ROBO1: variants seen among roughly 807,000 people sequenced by gnomAD.
ROBO1 encodes the protein roundabout homolog 1.
In ROBO1, 149 loss-of-function variants were observed where a neutral mutation model predicts 195.9. That is an observed-to-expected ratio of 0.76 (90% CI 0.67 to 0.87). The LOEUF (loss-of-function observed/expected upper bound fraction) is 0.87, where lower values mean the gene tolerates loss of function less well. Ranked by LOEUF, ROBO1 falls within the 40% of genes least tolerant of loss-of-function variation. The pLI, the probability that ROBO1 is intolerant of heterozygous loss-of-function variation, is 0.00. For synonymous variants in ROBO1, 816 were observed against 733.2 expected (o/e 1.11, Z -1.82); for missense variants, 1,933 against 2,068.3 (o/e 0.93, Z 1.27).
chr3:79,398,802 TA>T (rs951834330), intron 2 of ROBO1, among the ~76,000 whole-genome samples: 3 of 152,120 alleles, frequency 2.0e-5, no homozygotes, highest in Non-Finnish European at 2.9e-5. Context: ...TCAACTTTTT[TA>T]AAAAAGGTTA....
intron 2 of ROBO1, among the ~76,000 whole-genome samples, chr3:79,145,935 A>T (rs568732121): frequency 6.6e-6 from 1 of 152,084 alleles, no homozygotes; most frequent in South Asian, 2.1e-4. Flanking sequence ...ATGTGATTAG[A>T]GATTACTTAA....
intron 2 of ROBO1, among the ~76,000 whole-genome samples, chr3:79,457,780 C>T (rs1253413277): frequency 2.6e-5 from 4 of 152,100 alleles, no homozygotes; most frequent in African/African-American, 4.8e-5. Context: ...GATTGTGAGG[C>T]CTCCCCAGCC....
In ROBO1 at chr3:79,499,089, G is replaced by C. The variant is rs577412011; in HGVS notation, c.88+90735C>G. Among the ~76,000 whole-genome samples, 23 of 152,148 alleles carry C rather than the reference G, an allele frequency of 1.5e-4. No individual in the cohort carries two copies. The East Asian group carries it at 4.5e-3, about 30-fold the overall frequency. The stretch of plus-strand genomic sequence containing the variant: ...AGCTCACTGCAACCTCTGCCTCTCC[G>C]GTTCAAGGGATTCTCTTGCCTCAGC... On this transcript the variant is annotated intron_variant, in intron 2 of 30. Coordinates refer to ENST00000464233, the MANE Select transcript of ROBO1 (RefSeq NM_002941.4).
intron 4 of ROBO1, among the ~76,000 whole-genome samples, chr3:78,880,047 C>A (rs996475759): frequency 6.6e-6 from 1 of 151,942 alleles, no homozygotes; most frequent in Non-Finnish European, 1.5e-5. Context: ...ACCTGTAATA[C>A]CTATTAAAGC....
At chr3:79,568,353 C>G (rs1228849524) in intron 2 of ROBO1, among the ~76,000 whole-genome samples, 1 of 151,916 alleles carries the variant, frequency 6.6e-6, no homozygotes, top group Non-Finnish European at 1.5e-5. Context: ...ACCATATTGT[C>G]TGTCTCTCCA....
chr3:79,555,162 G>A (rs886301189), intron 2 of ROBO1, among the ~76,000 whole-genome samples: 1 of 152,030 alleles, frequency 6.6e-6, no homozygotes, highest in African/African-American at 2.4e-5. Context: ...TTAATATATT[G>A]TTATTTGCAG....
At chr3:79,728,082 G>A (rs751447311) in intron 1 of ROBO1, among the ~76,000 whole-genome samples, 19 of 151,848 alleles carry the variant, frequency 1.3e-4, no homozygotes, top group Admixed American at 3.3e-4. Flanking sequence ...ACACGACTGC[G>A]TGTGTGTATT....
intron 2 of ROBO1, among the ~76,000 whole-genome samples, chr3:79,317,003 T>A (rs575939695): frequency 6.6e-6 from 1 of 152,122 alleles, no homozygotes; most frequent in African/African-American, 2.4e-5. Flanking sequence ...GAACATACAC[T>A]TTTTTTCACA....
intron 4 of ROBO1, among the ~76,000 whole-genome samples, chr3:78,882,962 G>A (rs554328724): frequency 1.3e-3 from 194 of 151,830 alleles, no homozygotes; most frequent in African/African-American, 4.5e-3. Context: ...ACAGGCATAC[G>A]CCACCACACC....
chr3:79,352,066 C>G (rs2035364230), intron 2 of ROBO1, among the ~76,000 whole-genome samples: 1 of 152,166 alleles, frequency 6.6e-6, no homozygotes, highest in Non-Finnish European at 1.5e-5. Context: ...ACAGAACATC[C>G]TGATGCTAGA....
At chr3:79,106,511 C>G (rs1158194519) in intron 3 of ROBO1, among the ~76,000 whole-genome samples, 1 of 151,494 alleles carries the variant, frequency 6.6e-6, no homozygotes, top group African/African-American at 2.4e-5. Flanking sequence ...TTTCTATTAG[C>G]ACTTTCCTCA....
intron 4 of ROBO1, among the ~76,000 whole-genome samples, chr3:78,905,341 C>A (rs112214245): frequency 0.011 from 1,632 of 152,174 alleles, 38 homozygotes; most frequent in African/African-American, 0.035. Flanking sequence ...TCCAACATTA[C>A]AACTCTGCTG....
intron 2 of ROBO1, among the ~76,000 whole-genome samples, chr3:79,300,183 C>G (rs1001577643): frequency 1.3e-5 from 2 of 152,194 alleles, no homozygotes; most frequent in African/African-American, 4.8e-5. Context: ...TGGCCAAGGC[C>G]GAGCCGGCTC....
At chr3:78,785,528 C>T (rs534156946) in intron 4 of ROBO1, among the ~76,000 whole-genome samples, 97 of 152,260 alleles carry the variant, frequency 6.4e-4, no homozygotes, top group African/African-American at 2.3e-3. Flanking sequence ...TACTACTACT[C>T]ATACATACCT....
chr3:78,813,930 ATATTTCTTCATT>A (rs2084821888), intron 4 of ROBO1, among the ~76,000 whole-genome samples: 1 of 151,996 alleles, frequency 6.6e-6, no homozygotes, highest in Admixed American at 6.6e-5. Flanking sequence ...CAGAGTAATA[ATATTTCTTCATT>A]CATTCACTCA....
intron 1 of ROBO1, among the ~76,000 whole-genome samples, chr3:79,740,470 A>G (rs1223297562): frequency 3.9e-5 from 6 of 152,070 alleles, no homozygotes; most frequent in African/African-American, 1.4e-4. Context: ...TAAAGAAAAG[A>G]GGCTTAATTG....
chr3:79,492,549 C>T (rs1939523232), intron 2 of ROBO1, among the ~76,000 whole-genome samples: 2 of 151,170 alleles, frequency 1.3e-5, no homozygotes, highest in Admixed American at 1.3e-4. Flanking sequence ...AATATACACA[C>T]ATAGGCATAT....
intron 1 of ROBO1, among the ~76,000 whole-genome samples, chr3:79,717,613 TAATTC>T (rs1439519795): frequency 6.6e-6 from 1 of 152,058 alleles, no homozygotes; most frequent in Non-Finnish European, 1.5e-5. Context: ...TTTTTGTACT[TAATTC>T]AATGGTTACA....
intron 2 of ROBO1, among the ~76,000 whole-genome samples, chr3:79,150,219 G>A (rs1309566597): frequency 6.6e-6 from 1 of 150,744 alleles, no homozygotes; most frequent in East Asian, 2.0e-4. Flanking sequence ...CCTCACTTCT[G>A]TGACAGATCT....
Sources: allele counts gnomAD v4.1 joint callset (sites outside exome capture counted in the v4.1 genomes callset), GRCh38; gene constraint gnomAD v4.1.1; transcripts MANE v1.5; gene names NCBI Gene and HGNC (gene_info 2026-07-23, HGNC 2026-07-21).